The following CEP89 variants were observed in gnomAD, a reference collection of about 807,000 sequenced individuals.
CEP89 encodes centrosomal protein 89.
A neutral mutation model predicts 97.6 loss-of-function variants in CEP89; 95 were observed. The observed-to-expected ratio is 0.97, with a 90% CI of 0.82 to 1.15. The LOEUF (loss-of-function observed/expected upper bound fraction) is 1.15. Ranked by LOEUF, CEP89 falls within the 50% of genes most tolerant of loss-of-function variation. The pLI, the probability that CEP89 is intolerant of heterozygous loss-of-function variation, is 0.00. For synonymous variants in CEP89, 354 were observed against 349.1 expected (o/e 1.01, Z -0.16); for missense variants, 869 against 947.7 (o/e 0.92, Z 1.09).
intron 9 of CEP89, among the ~76,000 whole-genome samples, chr19:32,928,910 A>G (rs1970415239): frequency 1.3e-5 from 2 of 151,992 alleles, no homozygotes; most frequent in Admixed American, 6.5e-5. Context: ...TCATCTATTT[A>G]TCCTGCTACT....
At chr19:32,969,903 A>T (rs1255078300) in intron 1 of CEP89, 1 of 152,248 alleles carries the variant, frequency 6.6e-6, no homozygotes. Context: ...GGTCTGCAGC[A>T]GCGGTTTGCG....
At chr19:32,937,782 C>T in intron 6 of CEP89, 109 bp from the exon 7 acceptor site, 1 of 771,034 alleles carries the variant, frequency 1.3e-6, no homozygotes, top group East Asian at 2.5e-5. Flanking sequence ...TGCTTTATTT[C>T]CTTCATTTTG....
At chr19:32,952,903 C>CAAAAAAAAAAAAAAAAAAAAAA (rs34455504) in intron 4 of CEP89, among the ~76,000 whole-genome samples, 3 of 48,694 alleles carry the variant, frequency 6.2e-5, no homozygotes, top group African/African-American at 8.9e-5. Context: ...GACTCTGTCT[C>CAAAAAAAAAAAAAAAAAAAAAA]AAAAAAAAAA....
In CEP89 at chr19:32,965,696, G is replaced by A. The variant is rs1971266852; in HGVS notation, c.146+664C>T. Among the ~76,000 whole-genome samples, 3 of 145,780 alleles carry A rather than the reference G, an allele frequency of 2.1e-5. No individual in the cohort carries two copies. The South Asian group carries it at 6.7e-4, about 32-fold the overall frequency. On this transcript the variant is annotated intron_variant, in intron 2 of 18. Coordinates refer to ENST00000305768, the MANE Select transcript of CEP89 (RefSeq NM_032816.5). ...GGGCAACAGAGCAAGATCTTGCCTT[G>A]AAAAAAAAATTAATAATTAAAAAAA...
intron 16 of CEP89, among the ~76,000 whole-genome samples, chr19:32,898,661 C>A (rs1298676402): frequency 6.6e-6 from 1 of 151,998 alleles, no homozygotes; most frequent in East Asian, 1.9e-4. Flanking sequence ...GTGGGCAGAT[C>A]TCTTGAGGCC....
Position 32,948,379 on chromosome 19 carries a change from T to C in CEP89, c.493-11A>G, listed in dbSNP as rs1477445332. The stretch of plus-strand genomic sequence containing the variant: ...ATGTAACAATGGCACCTTTTTGTTA[T>C]AAAAGACAAAGGAGCAAAAAAGTGA... On this transcript the variant is annotated splice_polypyrimidine_tract_variant and intron_variant, in intron 4 of 18. Transcript: ENST00000305768. 5 of 1,572,002 alleles carry C rather than the reference T, an allele frequency of 3.2e-6. No individual in the cohort carries two copies. Among genetic ancestry groups the C allele is most frequent in the Non-Finnish European group, 2.6e-6 (3 of 1,151,530 alleles).
chr19:32,959,780 C>T (rs570707720), intron 3 of CEP89, 120 bp downstream of exon 3: 39 of 1,046,408 alleles, frequency 3.7e-5, no homozygotes, highest in Admixed American at 2.0e-4. Flanking sequence ...TGAGCACCCA[C>T]GCACCCACAC....
chr19:32,951,355 G>T (rs1016974954), intron 4 of CEP89, among the ~76,000 whole-genome samples: 1 of 151,810 alleles, frequency 6.6e-6, no homozygotes, highest in Non-Finnish European at 1.5e-5. Context: ...GCATGGTGGC[G>T]GGCACCTGTA....
Position 32,926,985 on chromosome 19 carries a change from C to T in CEP89, c.1030-1G>A, listed in dbSNP as rs932117107. ...ATGGGAGGCCTTCAATATTTAAGCT[C>T]TAAGAACAAAACATGTATTGAAGAC... On this transcript the variant is annotated splice_acceptor_variant, in intron 9 of 18. Transcript: ENST00000305768. LOFTEE classifies it high-confidence loss of function. The T allele has an allele frequency of 6.2e-7, 1 of 1,612,956 alleles. No homozygotes were observed. The highest frequency in any genetic ancestry group is 1.7e-4 in the Middle Eastern group (1 of 6,058).
At chr19:32,957,429 G>A (rs996399526) in intron 3 of CEP89, among the ~76,000 whole-genome samples, 9 of 152,082 alleles carry the variant, frequency 5.9e-5, no homozygotes, top group African/African-American at 1.9e-4. Flanking sequence ...CACTTTGGGA[G>A]GCCAAGGAGA....
chr19:32,929,955 G>A (rs1219917520), intron 9 of CEP89, among the ~76,000 whole-genome samples: 2 of 151,994 alleles, frequency 1.3e-5, no homozygotes, highest in African/African-American at 2.4e-5. Context: ...GGCTGAGCTG[G>A]AGGAATTGGG....
At chr19:32,905,940 G>A (rs546126351) in intron 14 of CEP89, among the ~76,000 whole-genome samples, 1 of 152,264 alleles carries the variant, frequency 6.6e-6, no homozygotes, top group African/African-American at 2.4e-5. Context: ...GGCTGGTCTT[G>A]AACCTCTGGA....
At chr19:32,913,303 A>T (rs943154280) in intron 14 of CEP89, among the ~76,000 whole-genome samples, 28 of 6,778 alleles carry the variant, frequency 4.1e-3, no homozygotes, top group South Asian at 0.014. Flanking sequence ...ATATATATAT[A>T]TATTTTTTTG....
At chr19:32,964,958 T>C (rs1037153445) in intron 2 of CEP89, among the ~76,000 whole-genome samples, 3 of 152,196 alleles carry the variant, frequency 2.0e-5, no homozygotes, top group African/African-American at 7.2e-5. Flanking sequence ...CAGGCTGCAG[T>C]GCAGTGACAT....
intron 12 of CEP89, among the ~76,000 whole-genome samples, chr19:32,920,631 G>A (rs1054451930): frequency 3.3e-5 from 5 of 152,064 alleles, no homozygotes; most frequent in East Asian, 2.0e-4. Flanking sequence ...TTACAGGCGT[G>A]CACCACCACA....
At chr19:32,970,086 T>C (rs1172616950) in intron 1 of CEP89, 1 of 152,288 alleles carries the variant, frequency 6.6e-6, no homozygotes, top group Admixed American at 6.5e-5. Flanking sequence ...CAGCGTGGGC[T>C]TCCATTTCCC....
Position 32,901,653 on chromosome 19 carries a change from G to A in CEP89, c.1566-241C>T, listed in dbSNP as rs145714168. On this transcript the variant is annotated intron_variant, in intron 14 of 18. Transcript: ENST00000305768. ...CTACGTGTGTGTCTGTGTGAGACAG[G>A]GTCTCACTCTGTTGCCCAGGCTGGA... Among the ~76,000 whole-genome samples the A allele has an allele frequency of 5.7e-3, 868 of 151,832 alleles. 8 individuals are homozygous for A. The highest frequency in any genetic ancestry group is 0.017 in the African/African-American group (696 of 41,416).
intron 6 of CEP89, among the ~76,000 whole-genome samples, chr19:32,937,931 T>C (rs1970611549): frequency 6.6e-6 from 1 of 151,888 alleles, no homozygotes; most frequent in South Asian, 2.1e-4. Flanking sequence ...AGCCTCCAAC[T>C]CCTGGGCTCA....
chr19:32,946,698 A>C (rs1244496355), intron 5 of CEP89, among the ~76,000 whole-genome samples: 2 of 152,126 alleles, frequency 1.3e-5, no homozygotes, highest in African/African-American at 4.8e-5. Context: ...GTAGTGAATA[A>C]GTCTCATGAA....
Sources: gnomAD v4.1 joint callset for allele counts (sites outside exome capture counted in the v4.1 genomes callset) on GRCh38, gnomAD v4.1.1 for gene constraint, MANE v1.5 for transcripts, NCBI Gene and HGNC (gene_info 2026-07-23, HGNC 2026-07-21) for gene names.